The following MCHR2 variants were observed in gnomAD, a reference collection of about 807,000 sequenced individuals.
MCHR2 encodes the protein melanin-concentrating hormone receptor 2.
A neutral mutation model predicts 24.8 loss-of-function variants in MCHR2; 15 were observed. That is an observed-to-expected ratio of 0.60 (90% confidence interval 0.40 to 0.93). The LOEUF is 0.93. MCHR2 is among the 40% of genes least tolerant of loss of function. The pLI is 0.00. For synonymous variants in MCHR2, 151 were observed against 147.6 expected, an observed-to-expected ratio of 1.02 and a Z score of -0.17; for missense variants, 386 against 408.7, an observed-to-expected ratio of 0.94 and a Z score of 0.48.
intron 1 of MCHR2, among the ~76,000 whole-genome samples, chr6:99,993,600 G>C (rs1246884730): frequency 6.6e-6 from 1 of 152,030 alleles, no homozygotes; most frequent in East Asian, 1.9e-4. Context: ...GAACTAGCCC[G>C]GCGCGCTCCA....
chr6:99,989,989 C>A (rs1270921557), intron 1 of MCHR2, among the ~76,000 whole-genome samples: 1 of 151,936 alleles, frequency 6.6e-6, no homozygotes, highest in Non-Finnish European at 1.5e-5. Context: ...AATATATAAT[C>A]TTTTTACATT....
intron 2 of MCHR2, among the ~76,000 whole-genome samples, chr6:99,955,316 T>C (rs1775037649): frequency 6.6e-6 from 1 of 152,184 alleles, no homozygotes; most frequent in South Asian, 2.1e-4. Flanking sequence ...TCTGTCTCTC[T>C]ACTTGAGAGG....
At position 99,922,768 on chromosome 6, in the gene MCHR2, G is replaced by A. The variant is rs1306916075; in HGVS notation, c.708-1513C>T. Among the ~76,000 whole-genome samples, 5 of 152,158 alleles carry A rather than the reference G, an allele frequency of 3.3e-5. No homozygotes were observed. The East Asian group carries it at 9.6e-4, about 29-fold the overall frequency. On this transcript the variant is annotated intron_variant, in intron 5 of 5. Transcript: ENST00000281806. ...GGTCTATGTCTCTGTTATTATGCCA[G>A]TACCAGGCTGTTTTGGTTACCATAG... is the stretch of plus-strand genomic sequence containing the variant.
At position 99,919,056 on chromosome 6, in the gene MCHR2, T is replaced by A. The variant is rs1258987268; in HGVS notation, c.*1884A>T. On this transcript the variant is annotated 3_prime_UTR_variant, in exon 6 of 6. Coordinates refer to ENST00000281806, the MANE Select transcript of MCHR2 (RefSeq NM_001040179.2). ...TGTGCTGGGTCTTCAGAAGTCAATA[T>A]TATTCACTGAGCCCGGACTGTTGCA... is the stretch of plus-strand genomic sequence containing the variant. Among the ~76,000 whole-genome samples, 1 of 152,174 alleles carries A rather than the reference T, an allele frequency of 6.6e-6. No homozygotes were observed. The highest frequency in any genetic ancestry group is 2.1e-4 in the South Asian group (1 of 4,826).
At chr6:99,928,933 G>C (rs1440420479) in intron 5 of MCHR2, among the ~76,000 whole-genome samples, 2 of 152,024 alleles carry the variant, frequency 1.3e-5, no homozygotes, top group South Asian at 2.1e-4. Flanking sequence ...TGATGTTAGG[G>C]TGTCAATTTT....
intron 1 of MCHR2, among the ~76,000 whole-genome samples, chr6:99,990,263 AG>A (rs1235319000): frequency 2.0e-5 from 3 of 152,224 alleles, no homozygotes; most frequent in Non-Finnish European, 2.9e-5. Context: ...GCATAGCAAA[AG>A]CTTTGCCAAT....
chr6:99,959,651 A>T (rs1440423763), intron 1 of MCHR2, among the ~76,000 whole-genome samples: 1 of 150,094 alleles, frequency 6.7e-6, no homozygotes, highest in East Asian at 2.0e-4. Flanking sequence ...GCAAAGGGAT[A>T]GAAAATATAA....
chr6:99,985,032 T>C (rs1348361430), intron 1 of MCHR2, among the ~76,000 whole-genome samples: 3 of 151,958 alleles, frequency 2.0e-5, no homozygotes, highest in African/African-American at 7.2e-5. Context: ...ATACAAATAA[T>C]GATCAAGCTG....
chr6:99,954,875 T>C (rs1035152347), intron 2 of MCHR2, among the ~76,000 whole-genome samples: 1 of 152,162 alleles, frequency 6.6e-6, no homozygotes, highest in African/African-American at 2.4e-5. Context: ...TACATAAAAT[T>C]ACTTTCAGGC....
At chr6:99,970,922 T>A (rs901778427) in intron 1 of MCHR2, among the ~76,000 whole-genome samples, 13 of 152,282 alleles carry the variant, frequency 8.5e-5, no homozygotes, top group Non-Finnish European at 1.6e-4. Context: ...TTGATCTATA[T>A]CTCTGTTTTG....
intron 1 of MCHR2, among the ~76,000 whole-genome samples, chr6:99,959,006 A>T (rs1430114396): frequency 6.6e-6 from 1 of 152,114 alleles, no homozygotes; most frequent in Non-Finnish European, 1.5e-5. Context: ...TAGCTGACAG[A>T]GGTCAATGCT....
chr6:99,968,270 G>A (rs1775331135), intron 1 of MCHR2, among the ~76,000 whole-genome samples: 1 of 152,162 alleles, frequency 6.6e-6, no homozygotes, highest in African/African-American at 2.4e-5. Context: ...CAGGGAATGG[G>A]TTTTGAAACA....
In MCHR2 at chr6:99,920,291, G is replaced by A. The variant is rs1429205219; in HGVS notation, c.*649C>T. The A allele has an allele frequency of 6.6e-6, 1 of 152,234 alleles. No individual in the cohort carries two copies. Among genetic ancestry groups the A allele is most frequent in the African/African-American group, 2.4e-5 (1 of 41,444 alleles). The allele number at this position is 152,234 out of a possible 1,614,324, so 9.4% of individuals were successfully genotyped here. A position where few individuals can be genotyped will look rare whatever the true frequency, so the allele number is the denominator to read the frequency against. Reference sequence around the variant, plus strand: ...AGAAAAGAAACAGGCAGAGCTGAATGTTAGCTCAGCTCTTAGATAGCTGTT... The same window carrying A: ...AGAAAAGAAACAGGCAGAGCTGAATATTAGCTCAGCTCTTAGATAGCTGTT... On this transcript the variant is annotated 3_prime_UTR_variant, in exon 6 of 6. Transcript: ENST00000281806.
In MCHR2 at chr6:99,921,216, C is replaced by G. The variant is rs150366598; in HGVS notation, c.747G>C (p.Leu249Phe). 6.2e-7 allele frequency: 1 copy of G among 1,614,018 alleles called. No homozygotes were observed. The highest frequency in any genetic ancestry group is 1.3e-5 in the African/African-American group (1 of 75,014). ...CCACCAGCACCAGCACCATCTTTGT[C>G]AACTTCATCACTCTCTGTTTTGGTA... ...PSVPKQRVMKLTKMVLVLVVV... is the reference protein window; with the variant it reads ...PSVPKQRVMKFTKMVLVLVVV... The change falls in exon 6 of 6, where the codon TTG (leucine) becomes TTC (phenylalanine). Residue 249 changes from leucine (L) to phenylalanine (F), a missense_variant. Physicochemically the swap from Leu to Phe is conservative, Grantham distance 22. Transcript: ENST00000281806.
At chr6:99,934,370 T>A in intron 5 of MCHR2, 28 bp downstream of exon 5, 1 of 1,541,034 alleles carries the variant, frequency 6.5e-7, no homozygotes, top group Non-Finnish European at 8.7e-7. Flanking sequence ...ATTGTTCTTT[T>A]AACAAATAAA....
chr6:99,941,201 G>A (rs1774763561), intron 4 of MCHR2, among the ~76,000 whole-genome samples: 1 of 149,722 alleles, frequency 6.7e-6, no homozygotes. Context: ...GGGGTGTCAT[G>A]GATGTGGAAA....
chr6:99,961,875 A>G (rs555588137), intron 1 of MCHR2, among the ~76,000 whole-genome samples: 9 of 152,268 alleles, frequency 5.9e-5, no homozygotes, highest in African/African-American at 2.2e-4. Context: ...AAAGAATATG[A>G]AAATCATGTC....
At chr6:99,922,035 A>G (rs1333357502) in intron 5 of MCHR2, among the ~76,000 whole-genome samples, 2 of 151,856 alleles carry the variant, frequency 1.3e-5, no homozygotes, top group Admixed American at 1.3e-4. Flanking sequence ...GTTGATGGAC[A>G]CTTAGGTTGA....
chr6:99,971,243 T>G (rs2114568590), intron 1 of MCHR2, among the ~76,000 whole-genome samples: 1 of 152,116 alleles, frequency 6.6e-6, no homozygotes, highest in South Asian at 2.1e-4. Flanking sequence ...CATTGAGCAG[T>G]GGTTTGTAGT....
Sources: allele counts gnomAD v4.1 joint callset (sites outside exome capture counted in the v4.1 genomes callset), GRCh38; gene constraint gnomAD v4.1.1; transcripts MANE v1.5; gene names NCBI Gene and HGNC (gene_info 2026-07-23, HGNC 2026-07-21).